The following CCNL1 variants were observed in gnomAD, a reference collection of about 807,000 sequenced individuals.
CCNL1 encodes cyclin L1, also known as cyclin-L1.
Under a neutral mutation model 60.6 loss-of-function variants are expected in CCNL1, and 13 were observed. The ratio of observed to expected loss-of-function variants is 0.21; its 90% CI spans 0.14 to 0.34. CCNL1 has a LOEUF of 0.34. Ranked by LOEUF, CCNL1 falls within the 10% of genes least tolerant of loss-of-function variation. CCNL1 has a pLI of 1.00. For synonymous variants in CCNL1, 270 were observed against 244.3 expected (o/e 1.10, Z -0.98); for missense variants, 481 against 664.3 (o/e 0.72, Z 3.03).
chr3:157,153,410 T>C lies in CCNL1; in HGVS notation c.489-254A>G, dbSNP rs976697130. On this transcript the variant is annotated intron_variant, in intron 3 of 10. Coordinates refer to ENST00000295926, the MANE Select transcript of CCNL1 (RefSeq NM_020307.4). Reference sequence around the variant, plus strand: ...ATTCACTCTAATGTTCTTGAATTCATCCCTGCCAACTTTTCCATTCTGCTT... The same window carrying C: ...ATTCACTCTAATGTTCTTGAATTCACCCCTGCCAACTTTTCCATTCTGCTT... The C allele has an allele frequency of 1.7e-5, 6 of 350,846 alleles. No individual in the cohort carries two copies. The Admixed American group carries it at 1.7e-4, about 10-fold the overall frequency. 21.7% of individuals were successfully genotyped at this position (350,846 alleles called of 1,614,324 possible).
intron 2 of CCNL1, 131 bp downstream of exon 2, chr3:157,159,274 G>A (rs936413864): frequency 2.6e-6 from 2 of 780,618 alleles, no homozygotes; most frequent in African/African-American, 1.8e-5. Context: ...CCACTTCCTG[G>A]CGAGTGAGAA....
At chr3:157,145,539 T>C (rs1458519591), downstream of CCNL1, among the ~76,000 whole-genome samples, 1 of 150,492 alleles carries the variant, frequency 6.6e-6, no homozygotes, top group Non-Finnish European at 1.5e-5. Flanking sequence ...AACATTTTCA[T>C]TGCTGTAATG....
downstream of CCNL1, among the ~76,000 whole-genome samples, chr3:157,144,768 T>C (rs1737732920): frequency 6.6e-6 from 1 of 152,252 alleles, no homozygotes; most frequent in Non-Finnish European, 1.5e-5. Context: ...TCCATGCTTT[T>C]AACTTCATTT....
Position 157,157,179 on chromosome 3 carries a change from T to C in CCNL1, c.488+1687A>G. On this transcript the variant is annotated intron_variant, in intron 3 of 10. Coordinates refer to ENST00000295926, the MANE Select transcript of CCNL1 (RefSeq NM_020307.4). ...CTTGTAATATGCATAGAAACACTTT[T>C]ACATCCTGCTTTAAAAAAAGGCTTC... is the stretch of plus-strand genomic sequence containing the variant. 6.4e-6 allele frequency: 7 copies of C among 1,093,962 alleles called. No individual in the cohort carries two copies. In the South Asian group the frequency reaches 7.8e-5, roughly 12 times the overall value. The allele number at this position is 1,093,962 out of a possible 1,614,324, so 67.8% of individuals were successfully genotyped here. A position where few individuals can be genotyped will look rare whatever the true frequency, so the allele number is the denominator to read the frequency against.
intron 10 of CCNL1, 33 bp from the exon 11 acceptor site, chr3:157,148,622 G>C (rs1737924795): frequency 2.0e-6 from 3 of 1,533,548 alleles, no homozygotes; most frequent in Non-Finnish European, 2.6e-6. Flanking sequence ...TTTAGGTTCA[G>C]TTTCTATGGG....
intron 2 of CCNL1, 35 bp downstream of exon 2, chr3:157,159,370 A>G: frequency 6.2e-7 from 1 of 1,603,260 alleles, no homozygotes. Flanking sequence ...TTTCCGGATG[A>G]AGAAATCCCT....
At position 157,149,184 on chromosome 3, in the gene CCNL1, CT is replaced by C. The variant is rs1737981098; in HGVS notation, c.1232+102del. 3 of 944,312 alleles carry C rather than the reference CT, an allele frequency of 3.2e-6. No homozygotes were observed. The African/African-American group carries it at 4.9e-5, about 15-fold the overall frequency. 58.5% of individuals were successfully genotyped at this position (944,312 alleles called of 1,614,324 possible). The stretch of plus-strand genomic sequence containing the variant: ...TTTGCCTCATACTAAAAGCCTAATT[CT>C]AACCTAACTTTGAAAATAATCTATG... On this transcript the variant is annotated intron_variant, in intron 10 of 10. Coordinates refer to ENST00000295926, the MANE Select transcript of CCNL1 (RefSeq NM_020307.4).
intron 10 of CCNL1, 66 bp downstream of exon 10, chr3:157,149,221 A>T: frequency 7.8e-7 from 1 of 1,283,728 alleles, no homozygotes; most frequent in African/African-American, 1.5e-5. Context: ...TTCAATTTTT[A>T]AAGAAAAAGC....
chr3:157,149,359 C>A lies in CCNL1; in HGVS notation c.1160G>T (p.Arg387Ile). ...CGATCGACTTGCACTTCTGCTATTT[C>A]TACTTCTCTTGCTGTCTTTTCTTAC... ...NGVRKDSKRS[R>I]NSRSASRSRS... Residue 387 changes from arginine to isoleucine, a missense_variant, in exon 10 of 11, where the codon AGA (arginine) becomes ATA (isoleucine). By Grantham distance (97) the Arg-to-Ile change is moderately conservative (BLOSUM62 -3). Transcript: ENST00000295926. 9 of 1,614,032 alleles carry A rather than the reference C, an allele frequency of 5.6e-6. No homozygotes were observed. The highest frequency in any genetic ancestry group is 7.6e-6 in the Non-Finnish European group (9 of 1,179,948).
At chr3:157,152,757 T>A in intron 4 of CCNL1, 1 of 1,182,694 alleles carries the variant, frequency 8.5e-7, no homozygotes, top group Non-Finnish European at 1.0e-6. Context: ...ACATCTCTGT[T>A]TTCTAGGTGG....
At chr3:157,148,995 A>G (rs998576776) in intron 10 of CCNL1, 1 of 340,518 alleles carries the variant, frequency 2.9e-6, no homozygotes, top group Non-Finnish European at 5.2e-6. Flanking sequence ...TTTCTAACTG[A>G]AATTAAAAAA....
At chr3:157,150,546 G>T (rs971092947) in intron 5 of CCNL1, 165 bp from the exon 6 acceptor site, 2 of 1,369,272 alleles carry the variant, frequency 1.5e-6, no homozygotes, top group African/African-American at 2.9e-5. Flanking sequence ...AAATCAGTAA[G>T]CAATAAGAAT....
rs565939560 is a variant in CCNL1, at chr3:157,155,644, G to A, written c.489-2488C>T. On this transcript the variant is annotated intron_variant, in intron 3 of 10. Transcript: ENST00000295926. ...TGCACACGTAATTTACAACTACCTG[G>A]TAGAGATTACTTTGTATCATAAATT... is the stretch of plus-strand genomic sequence containing the variant. Among the ~76,000 whole-genome samples the A allele has an allele frequency of 2.0e-5, 3 of 152,136 alleles. No individual in the cohort carries two copies. In the South Asian group the frequency reaches 6.2e-4, roughly 32 times the overall value.
At position 157,147,589 on chromosome 3, in the gene CCNL1, C is replaced by T; in HGVS notation, c.*652G>A. ...AGTGCTAAAATATAACATTTAATGT[C>T]ACATTGTTGGGCGACTCCCATTTAC... On this transcript the variant is annotated 3_prime_UTR_variant, in exon 11 of 11. Transcript: ENST00000295926. The T allele has an allele frequency of 2.0e-6, 2 of 985,288 alleles. No individual in the cohort carries two copies. The highest frequency in any genetic ancestry group is 2.4e-6 in the Non-Finnish European group (2 of 829,826). 61.0% of individuals were successfully genotyped at this position (985,288 alleles called of 1,614,324 possible).
intron 1 of CCNL1, 127 bp downstream of exon 1, chr3:157,159,654 CGGCCGCGGCTG>C: frequency 9.7e-7 from 1 of 1,031,496 alleles, no homozygotes. Flanking sequence ...CGGCACGCCC[CGGCCGCGGCTG>C]GGCCCCGAAC....
chr3:157,150,905 A>G, intron 5 of CCNL1: 1 of 984,034 alleles, frequency 1.0e-6, no homozygotes, highest in Non-Finnish European at 1.2e-6. Flanking sequence ...GAAAATCTAG[A>G]TAGGGAAATA....
chr3:157,159,758 G>A lies in CCNL1; in HGVS notation c.303+34C>T, dbSNP rs1456370685. 4 of 1,494,078 alleles carry A rather than the reference G, an allele frequency of 2.7e-6. No individual in the cohort carries two copies. The African/African-American group carries it at 4.2e-5, about 16-fold the overall frequency. The allele number at this position is 1,494,078 out of a possible 1,614,324, so 92.6% of individuals were successfully genotyped here. A position where few individuals can be genotyped will look rare whatever the true frequency, so the allele number is the denominator to read the frequency against. On this transcript the variant is annotated intron_variant, in intron 1 of 10. Coordinates refer to ENST00000295926, the MANE Select transcript of CCNL1 (RefSeq NM_020307.4). ...GCGTAGGGGACGGAGGAGAGGAGAG[G>A]AGCGCCCGGCCGGCCCGGGGCCGGA...
At chr3:157,152,622 G>A in intron 4 of CCNL1, 3 of 1,070,818 alleles carry the variant, frequency 2.8e-6, no homozygotes, top group Non-Finnish European at 2.3e-6. Context: ...AAGAGATGTT[G>A]GGAGAAACAA....
intron 3 of CCNL1, chr3:157,157,191 TAA>T: frequency 1.0e-6 from 1 of 1,004,220 alleles, no homozygotes; most frequent in Non-Finnish European, 1.4e-6. Context: ...CATCCTGCTT[TAA>T]AAAAAGGCTT....
Sources: allele counts gnomAD v4.1 joint callset (sites outside exome capture counted in the v4.1 genomes callset), GRCh38; gene constraint gnomAD v4.1.1; transcripts MANE v1.5; gene names NCBI Gene and HGNC (gene_info 2026-07-23, HGNC 2026-07-21).